CADM2: variants seen among roughly 807,000 people sequenced by gnomAD.
CADM2 encodes the protein immunoglobulin superfamily member 4D.
Under a neutral mutation model 49.8 loss-of-function variants are expected in CADM2, and 12 were observed. The observed-to-expected ratio is 0.24, with a 90% CI of 0.15 to 0.39. CADM2 has a LOEUF of 0.39. Among genes scored for constraint, CADM2 ranks in the 10% least tolerant of loss-of-function variants. CADM2 has a pLI of 1.00. For missense variants in CADM2, 378 were observed against 492.3 expected (o/e 0.77, Z 2.20); for synonymous variants, 214 against 175.4 (o/e 1.22, Z -1.74).
At chr3:85,605,116 A>T (rs1044066122) in intron 1 of CADM2, among the ~76,000 whole-genome samples, 2 of 152,052 alleles carry the variant, frequency 1.3e-5, no homozygotes, top group African/African-American at 4.8e-5. Flanking sequence ...CAGGGAATAG[A>T]TTTTGTACTC....
chr3:85,625,581 A>G (rs1441460678), intron 1 of CADM2, among the ~76,000 whole-genome samples: 1 of 152,016 alleles, frequency 6.6e-6, no homozygotes, highest in African/African-American at 2.4e-5. Flanking sequence ...TTAAATGCAC[A>G]CCTCAGCGAG....
chr3:85,815,620 C>T (rs1364030715), intron 3 of CADM2, among the ~76,000 whole-genome samples: 1 of 152,260 alleles, frequency 6.6e-6, no homozygotes, highest in South Asian at 2.1e-4. Context: ...CTATTTATGA[C>T]AAACCCACAG....
chr3:85,676,527 C>T (rs2065890967), intron 1 of CADM2, among the ~76,000 whole-genome samples: 2 of 152,124 alleles, frequency 1.3e-5, no homozygotes, highest in South Asian at 4.1e-4. Flanking sequence ...TAACATAGGA[C>T]AGACTGGTGA....
chr3:85,268,875 C>T (rs2106834728), intron 1 of CADM2, among the ~76,000 whole-genome samples: 1 of 151,288 alleles, frequency 6.6e-6, no homozygotes, highest in East Asian at 1.9e-4. Flanking sequence ...CTCTATAATG[C>T]TCTCAGTTTT....
chr3:85,369,742 T>A (rs1347640958), intron 1 of CADM2, among the ~76,000 whole-genome samples: 3 of 152,200 alleles, frequency 2.0e-5, no homozygotes, highest in African/African-American at 7.2e-5. Flanking sequence ...AATAGTATTA[T>A]TTTAAAGAGG....
intron 1 of CADM2, among the ~76,000 whole-genome samples, chr3:85,555,597 A>G (rs1410194584): frequency 6.6e-6 from 1 of 152,112 alleles, no homozygotes; most frequent in East Asian, 1.9e-4. Flanking sequence ...TTTTACCCTA[A>G]GCCTAAATTA....
At chr3:85,454,640 A>T (rs1452492289) in intron 1 of CADM2, among the ~76,000 whole-genome samples, 1 of 151,924 alleles carries the variant, frequency 6.6e-6, no homozygotes, top group African/African-American at 2.4e-5. Context: ...GACACAGTCA[A>T]TTTTTTTTGC....
rs1267093629 is a variant in CADM2 at position 85,635,568 on chromosome 3, T to A, written c.62-90954T>A. Among the ~76,000 whole-genome samples the A allele has an allele frequency of 3.9e-5, 6 of 152,142 alleles. No homozygotes were observed. In the East Asian group the frequency reaches 1.2e-3, roughly 29 times the overall value. On this transcript the variant is annotated intron_variant, in intron 1 of 9. Transcript: ENST00000383699. ...CAAATATTACAACTAAAAGAAAAAATCTTTGAATTAAGTATTTCCTTTTTA... is the reference window on the plus strand; with the variant it reads ...CAAATATTACAACTAAAAGAAAAAAACTTTGAATTAAGTATTTCCTTTTTA...
At chr3:85,601,173 T>TATATAC (rs1469920736) in intron 1 of CADM2, among the ~76,000 whole-genome samples, 2 of 99,428 alleles carry the variant, frequency 2.0e-5, no homozygotes, top group African/African-American at 9.7e-5. Context: ...TATATATATA[T>TATATAC]ACACACACAC....
chr3:85,605,338 A>T (rs1315513386), intron 1 of CADM2, among the ~76,000 whole-genome samples: 2 of 152,118 alleles, frequency 1.3e-5, no homozygotes, highest in African/African-American at 4.8e-5. Context: ...TCCATGGAAC[A>T]AATATTCACA....
At chr3:85,269,525 T>C (rs1338826180) in intron 1 of CADM2, among the ~76,000 whole-genome samples, 1 of 151,402 alleles carries the variant, frequency 6.6e-6, no homozygotes, top group African/African-American at 2.4e-5. Context: ...GTTTAAAAAA[T>C]GACTCACAAA....
chr3:85,443,337 A>G (rs187611442), intron 1 of CADM2, among the ~76,000 whole-genome samples: 72 of 152,286 alleles, frequency 4.7e-4, no homozygotes, highest in Non-Finnish European at 7.2e-4. Flanking sequence ...GAGACAATAT[A>G]TACTCATACT....
intron 1 of CADM2, among the ~76,000 whole-genome samples, chr3:85,257,071 T>C (rs759254820): frequency 6.6e-6 from 1 of 152,140 alleles, no homozygotes; most frequent in Non-Finnish European, 1.5e-5. Flanking sequence ...TATTTTATGA[T>C]AAGAAAATTG....
chr3:85,246,779 T>TA (rs2042658935), intron 1 of CADM2, among the ~76,000 whole-genome samples: 1 of 152,104 alleles, frequency 6.6e-6, no homozygotes. Context: ...TATCAGTGGG[T>TA]AAAAATCTCA....
chr3:85,958,115 C>A (rs1338633133), intron 7 of CADM2, among the ~76,000 whole-genome samples: 1 of 151,936 alleles, frequency 6.6e-6, no homozygotes, highest in Non-Finnish European at 1.5e-5. Flanking sequence ...AAAACAACAA[C>A]CCCATCTGAA....
chr3:85,408,174 G>A (rs1011177340), intron 1 of CADM2, among the ~76,000 whole-genome samples: 20 of 152,154 alleles, frequency 1.3e-4, no homozygotes, highest in Non-Finnish European at 4.4e-5. Flanking sequence ...AAAGGCAAGA[G>A]TGGATAATAG....
chr3:85,023,174 C>A (rs761669069), intron 1 of CADM2, among the ~76,000 whole-genome samples: 2 of 152,030 alleles, frequency 1.3e-5, no homozygotes, highest in Non-Finnish European at 2.9e-5. Context: ...AGAAAAAAGA[C>A]ATGCCAAAGA....
intron 8 of CADM2, among the ~76,000 whole-genome samples, chr3:86,062,346 A>G (rs951069979): frequency 4.6e-5 from 7 of 152,208 alleles, no homozygotes; most frequent in African/African-American, 1.2e-4. Context: ...TTTATGGGCA[A>G]TGATAGAAAT....
At chr3:86,019,781 G>C (rs1163816442) in intron 8 of CADM2, among the ~76,000 whole-genome samples, 4 of 152,202 alleles carry the variant, frequency 2.6e-5, no homozygotes, top group African/African-American at 7.2e-5. Flanking sequence ...ATTTTGGGCT[G>C]AGACAATGGG....
Sources: gnomAD v4.1 joint callset for allele counts (sites outside exome capture counted in the v4.1 genomes callset) on GRCh38, gnomAD v4.1.1 for gene constraint, MANE v1.5 for transcripts, NCBI Gene and HGNC (gene_info 2026-07-23, HGNC 2026-07-21) for gene names.